The following UTP20 variants were observed in gnomAD, a reference collection of about 807,000 sequenced individuals.
UTP20 encodes the protein UTP20 small subunit processome component, also known as small subunit processome component 20 homolog.
UTP20 carries 164 observed loss-of-function variants against 329.5 expected under a neutral mutation model. The ratio of observed to expected loss-of-function variants is 0.50; its 90% CI spans 0.44 to 0.57. The LOEUF is 0.57. Among genes scored for constraint, UTP20 ranks in the 20% least tolerant of loss-of-function variants. The probability of loss-of-function intolerance (pLI) is 0.00; values close to 1 mark genes in which losing one functional copy is unlikely to be tolerated. For synonymous variants in UTP20, 1,151 were observed against 1,159.3 expected (o/e 0.99, Z 0.14); for missense variants, 3,055 against 3,284.2 (o/e 0.93, Z 1.71).
intron 19 of UTP20, among the ~76,000 whole-genome samples, 183 bp downstream of exon 19, chr12:101,310,022 A>T (rs368869927): frequency 6.6e-6 from 1 of 152,208 alleles, no homozygotes; most frequent in Non-Finnish European, 1.5e-5. Context: ...CTCTGATGCC[A>T]CATCTTCAGT....
intron 21 of UTP20, among the ~76,000 whole-genome samples, chr12:101,315,969 G>T (rs77532966): frequency 0.026 from 3,934 of 152,212 alleles, 174 homozygotes; most frequent in African/African-American, 0.089. Context: ...AGAGACTAAA[G>T]ATACACAATT....
rs1872821372 is a variant in UTP20, at chr12:101,312,376, CTTCT to C, written c.2552+109_2552+112del. ...AGTGGCTGAGTTCTTTGTTTTTTGC[CTTCT>C]TTCTTTCTGCTTCCAATCATCCATT... On this transcript the variant is annotated intron_variant, in intron 21 of 61. Transcript: ENST00000261637. The C allele has an allele frequency of 2.0e-6, 3 of 1,478,890 alleles. No individual in the cohort carries two copies. In the African/African-American group the frequency reaches 4.2e-5, roughly 21 times the overall value. 91.6% of individuals were successfully genotyped at this position (1,478,890 alleles called of 1,614,324 possible). A position where few individuals can be genotyped will look rare whatever the true frequency, so the allele number is the denominator to read the frequency against.
Position 101,295,678 on chromosome 12 carries a change from T to G in UTP20, c.1430+20T>G. 1 of 1,578,212 alleles carries G rather than the reference T, an allele frequency of 6.3e-7. No homozygotes were observed. Among genetic ancestry groups the G allele is most frequent in the African/African-American group, 1.4e-5 (1 of 73,892 alleles). On this transcript the variant is annotated intron_variant, in intron 12 of 61. Coordinates refer to ENST00000261637, the MANE Select transcript of UTP20 (RefSeq NM_014503.3). ...GGTGGGGTGAGTTCTAACTTTTTAT[T>G]CCTGTAATGATGATAAGTTTACCCA... is the stretch of plus-strand genomic sequence containing the variant.
chr12:101,309,613 AT>A, intron 18 of UTP20, 149 bp from the exon 19 acceptor site: 2 of 608,584 alleles, frequency 3.3e-6, no homozygotes, highest in Non-Finnish European at 5.6e-6. Context: ...TATACATTGA[AT>A]TTTGGATTGG....
At chr12:101,329,194 A>G (rs1868670781) in intron 26 of UTP20, 47 bp from the exon 27 acceptor site, 2 of 1,491,828 alleles carry the variant, frequency 1.3e-6, no homozygotes, top group Non-Finnish European at 1.9e-6. Context: ...ATAGTAACAA[A>G]CTAATATGTT....
intron 11 of UTP20, among the ~76,000 whole-genome samples, chr12:101,293,624 T>A (rs1261228632): frequency 2.6e-5 from 4 of 152,200 alleles, no homozygotes; most frequent in African/African-American, 9.6e-5. Flanking sequence ...ATTTATTTTA[T>A]TTTTTTCTCT....
chr12:101,326,883 CCAGCTCT>C (rs966665427), intron 25 of UTP20, 191 bp from the exon 26 acceptor site: 93 of 513,606 alleles, frequency 1.8e-4, no homozygotes, highest in African/African-American at 1.8e-3. Context: ...AGCACTGCAC[CCAGCTCT>C]CTTAGCCTTA....
chr12:101,290,415 G>C, intron 7 of UTP20, 141 bp downstream of exon 7: 1 of 1,045,688 alleles, frequency 9.6e-7, no homozygotes, highest in Non-Finnish European at 1.3e-6. Context: ...CAGTAACAAT[G>C]CTTACCCAAT....
chr12:101,311,616 T>A, intron 19 of UTP20, 103 bp from the exon 20 acceptor site: 2 of 1,049,006 alleles, frequency 1.9e-6, no homozygotes, highest in Non-Finnish European at 2.7e-6. Context: ...GATAACCTAA[T>A]TGACATTTTA....
chr12:101,307,294 T>TACAC (rs35767250), intron 17 of UTP20, among the ~76,000 whole-genome samples: 8,370 of 146,898 alleles, frequency 0.057, 459 homozygotes, highest in African/African-American at 0.14. Context: ...ACTTTTTGAA[T>TACAC]ACACACACAC....
At chr12:101,376,027 T>C (rs1565808853) in intron 56 of UTP20, among the ~76,000 whole-genome samples, 2 of 152,212 alleles carry the variant, frequency 1.3e-5, no homozygotes, top group Non-Finnish European at 2.9e-5. Flanking sequence ...TTTTTTCCTA[T>C]TTATTTATTT....
At chr12:101,370,795 C>A (rs1870259645) in intron 50 of UTP20, among the ~76,000 whole-genome samples, 1 of 152,158 alleles carries the variant, frequency 6.6e-6, no homozygotes, top group African/African-American at 2.4e-5. Flanking sequence ...TACAGGTATT[C>A]TGTTTTTATT....
In UTP20 at chr12:101,288,878, G is replaced by T. The variant is rs980842732; in HGVS notation, c.516-82G>T. 7 of 1,242,526 alleles carry T rather than the reference G, an allele frequency of 5.6e-6. No individual in the cohort carries two copies. The African/African-American group carries it at 1.1e-4, about 19-fold the overall frequency. The allele number at this position is 1,242,526 out of a possible 1,614,324, so 77.0% of individuals were successfully genotyped here. A position where few individuals can be genotyped will look rare whatever the true frequency, so the allele number is the denominator to read the frequency against. Reference sequence around the variant, plus strand: ...GTATTCCTTGCATACCCAGCACATTGTTGCCCATATTGTTGACATGTAGTA... The same window carrying T: ...GTATTCCTTGCATACCCAGCACATTTTTGCCCATATTGTTGACATGTAGTA... On this transcript the variant is annotated intron_variant, in intron 5 of 61. Transcript: ENST00000261637.
chr12:101,297,338 C>T (rs1363574273), intron 12 of UTP20, among the ~76,000 whole-genome samples: 2 of 152,192 alleles, frequency 1.3e-5, no homozygotes, highest in Non-Finnish European at 2.9e-5. Context: ...ACTTGAGCCT[C>T]CCAGGTAGCT....
chr12:101,321,902 C>T (rs943621675), intron 25 of UTP20, among the ~76,000 whole-genome samples: 1 of 151,516 alleles, frequency 6.6e-6, no homozygotes, highest in African/African-American at 2.4e-5. Flanking sequence ...GAGCCATCAC[C>T]GCCAGCTGCT....
At chr12:101,294,559 T>TTTC (rs1872285876) in intron 11 of UTP20, among the ~76,000 whole-genome samples, 1 of 143,324 alleles carries the variant, frequency 7.0e-6, no homozygotes, top group Non-Finnish European at 1.5e-5. Flanking sequence ...TTTTTTTTTG[T>TTTC]CGAGACATAG....
chr12:101,363,465 C>T, intron 44 of UTP20, 111 bp from the exon 45 acceptor site: 1 of 929,030 alleles, frequency 1.1e-6, no homozygotes, highest in Non-Finnish European at 1.5e-6. Context: ...GAGTCCAGTC[C>T]AACTTGCATT....
At chr12:101,372,721 A>G (rs1870334198) in intron 51 of UTP20, among the ~76,000 whole-genome samples, 163 bp from the exon 52 acceptor site, 1 of 152,224 alleles carries the variant, frequency 6.6e-6, no homozygotes, top group African/African-American at 2.4e-5. Flanking sequence ...CACAGTTGCT[A>G]TTGACTTCAT....
At chr12:101,309,538 G>A (rs1436046477) in intron 18 of UTP20, among the ~76,000 whole-genome samples, 6 of 152,212 alleles carry the variant, frequency 3.9e-5, no homozygotes, top group African/African-American at 1.4e-4. Context: ...TGAATACTAT[G>A]TTTGCTGTAG....
Sources: gnomAD v4.1 joint callset for allele counts (sites outside exome capture counted in the v4.1 genomes callset) on GRCh38, gnomAD v4.1.1 for gene constraint, MANE v1.5 for transcripts, NCBI Gene and HGNC (gene_info 2026-07-23, HGNC 2026-07-21) for gene names.